Variants in PRKCE observed in about 807,000 individuals in gnomAD.
The protein encoded by PRKCE is protein kinase C epsilon, also known as protein kinase C epsilon type.
A neutral mutation model predicts 85.4 loss-of-function variants in PRKCE; 16 were observed. The observed-to-expected ratio is 0.19, with a 90% CI of 0.13 to 0.28. The LOEUF is 0.28. Among genes scored for constraint, PRKCE ranks in the 10% least tolerant of loss-of-function variants. PRKCE has a pLI of 1.00. For missense variants in PRKCE, 573 were observed against 975.2 expected (o/e 0.59, Z 5.49); for synonymous variants, 388 against 371.5 (o/e 1.04, Z -0.51).
intron 1 of PRKCE, among the ~76,000 whole-genome samples, chr2:45,773,038 ACTTCCTTCTGGCTGCTCTGCTC>A (rs1265296984): frequency 6.6e-6 from 1 of 152,034 alleles, no homozygotes; most frequent in African/African-American, 2.4e-5. Flanking sequence ...CTACCTAATA[ACTTCCTTCTGGCTGCTCTGCTC>A]CTTCCCCTTC....
intron 10 of PRKCE, among the ~76,000 whole-genome samples, chr2:46,054,997 C>T (rs1666426247): frequency 6.6e-6 from 1 of 152,176 alleles, no homozygotes; most frequent in African/African-American, 2.4e-5. Flanking sequence ...CTCCCCTTCC[C>T]ACTCAGAGTC....
rs1209353514 is a variant in PRKCE, at chr2:45,823,759, C to G, written c.349-19241C>G. Among the ~76,000 whole-genome samples the G allele has an allele frequency of 1.3e-5, 2 of 152,222 alleles. 1 individual carries two copies. Among genetic ancestry groups the G allele is most frequent in the African/African-American group, 4.8e-5 (2 of 41,456 alleles). The stretch of plus-strand genomic sequence containing the variant: ...TCTGGCTGATTTCCCAGGTTGTTCC[C>G]TGGGCCCAGTTCCACCTCTGAGGGC... On this transcript the variant is annotated intron_variant, in intron 1 of 14. Transcript: ENST00000306156.
chr2:45,952,469 A>G (rs150503616), intron 2 of PRKCE, among the ~76,000 whole-genome samples: 3 of 152,300 alleles, frequency 2.0e-5, no homozygotes, highest in Non-Finnish European at 4.4e-5. Context: ...CTAAAGGAAC[A>G]TGGACTACAC....
chr2:46,085,221 G>A (rs1318924114), intron 10 of PRKCE, among the ~76,000 whole-genome samples: 4 of 152,154 alleles, frequency 2.6e-5, no homozygotes, highest in East Asian at 1.9e-4. Flanking sequence ...ACAATAAGGT[G>A]TGACTGTGGT....
chr2:46,112,970 A>T (rs1672416396), intron 11 of PRKCE, among the ~76,000 whole-genome samples: 1 of 152,208 alleles, frequency 6.6e-6, no homozygotes, highest in Non-Finnish European at 1.5e-5. Context: ...TTGTTCTAGA[A>T]TCTATAACAT....
chr2:46,171,899 G>T (rs189943301), intron 14 of PRKCE, among the ~76,000 whole-genome samples: 142 of 152,316 alleles, frequency 9.3e-4, no homozygotes, highest in Middle Eastern at 3.4e-3. Flanking sequence ...CAGTTATGAG[G>T]AGTACCAGGA....
intron 2 of PRKCE, among the ~76,000 whole-genome samples, chr2:45,872,276 A>C (rs1694155226): frequency 6.6e-6 from 1 of 152,200 alleles, no homozygotes; most frequent in African/African-American, 2.4e-5. Context: ...GGCAGAGAAA[A>C]CAGCAAGTGC....
intron 1 of PRKCE, among the ~76,000 whole-genome samples, chr2:45,734,931 G>A (rs182923905): frequency 3.9e-5 from 6 of 152,322 alleles, no homozygotes; most frequent in East Asian, 3.9e-4. Flanking sequence ...AGCTCCCCTC[G>A]GGATTGCCTA....
rs1485988008 is a variant in PRKCE at position 46,171,543 on chromosome 2, G to T, written c.2067+11791G>T. On this transcript the variant is annotated intron_variant, in intron 14 of 14. Transcript: ENST00000306156. ...CAGGATAGTACATGCCAGGGGCACA[G>T]CCTCGGGGTCAGAACAAGCTGATTC... Among the ~76,000 whole-genome samples the T allele has an allele frequency of 2.0e-5, 3 of 152,212 alleles. No individual in the cohort carries two copies. The East Asian group carries it at 5.8e-4, about 29-fold the overall frequency.
chr2:45,695,334 G>C (rs886712558), intron 1 of PRKCE, among the ~76,000 whole-genome samples: 2 of 152,190 alleles, frequency 1.3e-5, no homozygotes, highest in Admixed American at 6.5e-5. Context: ...AGTCAGGCTG[G>C]AGGTAGAGAG....
chr2:45,750,581 A>G (rs944279869), intron 1 of PRKCE, among the ~76,000 whole-genome samples: 1 of 152,190 alleles, frequency 6.6e-6, no homozygotes, highest in African/African-American at 2.4e-5. Context: ...TGAGTCTGTC[A>G]AGGTTGTTGC....
At chr2:45,897,648 GT>G (rs1696253505) in intron 2 of PRKCE, among the ~76,000 whole-genome samples, 1 of 152,180 alleles carries the variant, frequency 6.6e-6, no homozygotes, top group Non-Finnish European at 1.5e-5. Flanking sequence ...CTACATTTCA[GT>G]GGCTTTCATG....
At chr2:46,078,540 GAA>G (rs10569183) in intron 10 of PRKCE, among the ~76,000 whole-genome samples, 46,227 of 140,156 alleles carry the variant, frequency 0.33, 7,920 homozygotes, top group African/African-American at 0.49. Flanking sequence ...ACCCTGTCTT[GAA>G]AAAAAAAAAA....
intron 1 of PRKCE, among the ~76,000 whole-genome samples, chr2:45,719,737 A>T (rs907255711): frequency 6.6e-6 from 1 of 152,166 alleles, no homozygotes; most frequent in African/African-American, 2.4e-5. Context: ...AAACAAAATC[A>T]TAACCCTCCT....
intron 1 of PRKCE, among the ~76,000 whole-genome samples, chr2:45,781,642 C>T (rs879098983): frequency 5.9e-5 from 9 of 152,226 alleles, no homozygotes; most frequent in African/African-American, 1.9e-4. Context: ...CACCCGCGCC[C>T]GCCCCCCGGC....
At chr2:46,104,645 A>G (rs1671550927) in intron 11 of PRKCE, among the ~76,000 whole-genome samples, 1 of 152,092 alleles carries the variant, frequency 6.6e-6, no homozygotes, top group South Asian at 2.1e-4. Flanking sequence ...GACCACTTTG[A>G]CTTCTTTGAT....
chr2:46,132,256 T>G (rs1674535440), intron 11 of PRKCE, among the ~76,000 whole-genome samples: 1 of 152,060 alleles, frequency 6.6e-6, no homozygotes, highest in Non-Finnish European at 1.5e-5. Context: ...CCAGCCTTCT[T>G]CTCTTGTCAC....
At chr2:46,025,365 T>C (rs1707021814) in intron 10 of PRKCE, among the ~76,000 whole-genome samples, 1 of 152,200 alleles carries the variant, frequency 6.6e-6, no homozygotes, top group Non-Finnish European at 1.5e-5. Flanking sequence ...CAGTATTTTT[T>C]TTAGTACCTG....
At chr2:45,998,754 C>T (rs1432992144) in intron 6 of PRKCE, among the ~76,000 whole-genome samples, 1 of 152,062 alleles carries the variant, frequency 6.6e-6, no homozygotes, top group Admixed American at 6.6e-5. Flanking sequence ...GTTTGTCTTC[C>T]ACTCATTTTC....
Sources: allele counts gnomAD v4.1 joint callset (sites outside exome capture counted in the v4.1 genomes callset), GRCh38; gene constraint gnomAD v4.1.1; transcripts MANE v1.5; gene names NCBI Gene and HGNC (gene_info 2026-07-23, HGNC 2026-07-21).